Variants in TMEM74 observed in about 807,000 individuals in gnomAD.
The protein encoded by TMEM74 is transmembrane protein 74.
In TMEM74, 13 loss-of-function variants were observed where a neutral mutation model predicts 18.1. The ratio of observed to expected loss-of-function variants is 0.72; its 90% CI spans 0.47 to 1.14. The LOEUF (loss-of-function observed/expected upper bound fraction) is 1.14. TMEM74 is among the 50% of genes most tolerant of loss of function. The pLI is 0.00. For synonymous variants in TMEM74, 159 were observed against 146.6 expected (o/e 1.08, Z -0.61); for missense variants, 372 against 375.9 (o/e 0.99, Z 0.09).
intron 1 of TMEM74, among the ~76,000 whole-genome samples, chr8:108,680,119 C>T (rs1246020272): frequency 6.6e-6 from 1 of 152,162 alleles, no homozygotes; most frequent in African/African-American, 2.4e-5. Context: ...CCTTCTGAAA[C>T]TATTCCAATC....
chr8:108,699,187 C>CTTCCTTCCTTCCTTCCTT (rs1813312161), intron 1 of TMEM74, among the ~76,000 whole-genome samples: 1 of 68,792 alleles, frequency 1.5e-5, no homozygotes, highest in African/African-American at 6.7e-5. Flanking sequence ...CTTCCTTCCT[C>CTTCCTTCCTTCCTTCCTT]CCTCCCTCCC....
intron 2 of TMEM74, among the ~76,000 whole-genome samples, chr8:108,619,464 A>G (rs974939470): frequency 3.9e-5 from 6 of 152,168 alleles, no homozygotes; most frequent in African/African-American, 1.4e-4. Context: ...ATTTCCAGTC[A>G]CCAAAGAAGT....
chr8:108,745,584 C>T (rs985572174), intron 1 of TMEM74, among the ~76,000 whole-genome samples: 3 of 151,986 alleles, frequency 2.0e-5, no homozygotes, highest in Non-Finnish European at 2.9e-5. Flanking sequence ...ACTTAATAAA[C>T]GTACATATAT....
chr8:108,715,870 A>T (rs1332566572), intron 1 of TMEM74, among the ~76,000 whole-genome samples: 6 of 152,068 alleles, frequency 3.9e-5, no homozygotes, highest in Admixed American at 1.3e-4. Flanking sequence ...TGAGACAAGT[A>T]ACCCTGGTGA....
intron 1 of TMEM74, among the ~76,000 whole-genome samples, chr8:108,662,760 C>T (rs1403875526): frequency 6.6e-6 from 1 of 152,106 alleles, no homozygotes; most frequent in Non-Finnish European, 1.5e-5. Context: ...ATAAAAAGCT[C>T]TGGGGAATCT....
intron 2 of TMEM74, among the ~76,000 whole-genome samples, chr8:108,628,865 G>A (rs1247144125): frequency 2.0e-5 from 3 of 151,958 alleles, no homozygotes; most frequent in Non-Finnish European, 4.4e-5. Context: ...GTTTTGATTT[G>A]CATTTCTCTA....
chr8:108,759,518 G>A (rs1047510916), intron 1 of TMEM74, among the ~76,000 whole-genome samples: 10 of 152,048 alleles, frequency 6.6e-5, no homozygotes. Flanking sequence ...ATAATGATAT[G>A]TCCATAAAGT....
At chr8:108,730,719 G>A (rs1363592221) in intron 1 of TMEM74, among the ~76,000 whole-genome samples, 7 of 147,288 alleles carry the variant, frequency 4.8e-5, no homozygotes, top group Non-Finnish European at 8.9e-5. Context: ...TGCAAGCTCC[G>A]CCTCCCAGGT....
At chr8:108,717,854 A>T (rs1387964350) in intron 1 of TMEM74, among the ~76,000 whole-genome samples, 1 of 149,894 alleles carries the variant, frequency 6.7e-6, no homozygotes, top group African/African-American at 2.4e-5. Context: ...GTTGTATAAG[A>T]CCTTCAGGGG....
At chr8:108,773,094 A>G (rs1586293121) in intron 1 of TMEM74, among the ~76,000 whole-genome samples, 1 of 152,254 alleles carries the variant, frequency 6.6e-6, no homozygotes, top group East Asian at 1.9e-4. Context: ...GGCACTGAAA[A>G]GGAGAGGAAG....
At position 108,719,207 on chromosome 8, in the gene TMEM74, G is replaced by A. The variant is rs559268386; in HGVS notation, n.120-63770C>T. Among the ~76,000 whole-genome samples the A allele has an allele frequency of 1.5e-3, 225 of 152,020 alleles. 1 individual carries two copies. Among genetic ancestry groups the A allele is most frequent in the African/African-American group, 4.7e-3 (196 of 41,496 alleles). ...CTGGTGGAGATTAAATTGGGGAGACGCATAAACACACAAACATTTACAAAA... is the reference window on the plus strand; with the variant it reads ...CTGGTGGAGATTAAATTGGGGAGACACATAAACACACAAACATTTACAAAA... On this transcript the variant is annotated intron_variant and non_coding_transcript_variant, in intron 1 of 3. Coordinates refer to the TMEM74 transcript ENST00000518838.
intron 1 of TMEM74, among the ~76,000 whole-genome samples, chr8:108,759,242 A>T (rs1814012251): frequency 6.6e-6 from 1 of 152,050 alleles, no homozygotes; most frequent in African/African-American, 2.4e-5. Flanking sequence ...TATCTGTAAC[A>T]GTTGTGAGGG....
chr8:108,647,802 A>G (rs1812734941), intron 2 of TMEM74, among the ~76,000 whole-genome samples: 1 of 152,166 alleles, frequency 6.6e-6, no homozygotes, highest in Non-Finnish European at 1.5e-5. Flanking sequence ...AGGTGATTTC[A>G]ATATAGAGCG....
rs1226465788 is a variant in TMEM74, at chr8:108,713,673, TAGTC to T, written n.120-58240_120-58237del. On this transcript the variant is annotated intron_variant and non_coding_transcript_variant, in intron 1 of 3. Coordinates refer to the TMEM74 transcript ENST00000518838. ...ACATATACCATGTTAAAATTTGTATTAGTCAGGGTTCTCCAAAGAGACAGAGTCA... is the reference window on the plus strand; with the variant it reads ...ACATATACCATGTTAAAATTTGTATTAGGGTTCTCCAAAGAGACAGAGTCA... Among the ~76,000 whole-genome samples the T allele has an allele frequency of 5.3e-5, 8 of 152,328 alleles. No homozygotes were observed. The East Asian group carries it at 1.5e-3, about 29-fold the overall frequency.
At chr8:108,629,961 C>T (rs1217307413) in intron 2 of TMEM74, among the ~76,000 whole-genome samples, 1 of 152,078 alleles carries the variant, frequency 6.6e-6, no homozygotes, top group South Asian at 2.1e-4. Flanking sequence ...ATCTTGATTA[C>T]AGGATCAAAT....
At chr8:108,755,163 A>G (rs1813947341) in intron 1 of TMEM74, among the ~76,000 whole-genome samples, 1 of 152,090 alleles carries the variant, frequency 6.6e-6, no homozygotes, top group Non-Finnish European at 1.5e-5. Context: ...CTCCAGGAAC[A>G]CTGCAGTCAA....
intron 1 of TMEM74, among the ~76,000 whole-genome samples, chr8:108,762,530 C>A (rs1586288964): frequency 6.6e-6 from 1 of 152,134 alleles, no homozygotes; most frequent in Non-Finnish European, 1.5e-5. Flanking sequence ...TAGAACCTAC[C>A]TTGAATGTGT....
At chr8:108,726,737 C>T (rs1289498237) in intron 1 of TMEM74, among the ~76,000 whole-genome samples, 1 of 151,996 alleles carries the variant, frequency 6.6e-6, no homozygotes, top group African/African-American at 2.4e-5. Context: ...ACTGATATAT[C>T]AGTGCCAAAA....
chr8:108,685,202 T>C (rs532500944), intron 1 of TMEM74, among the ~76,000 whole-genome samples: 1 of 152,246 alleles, frequency 6.6e-6, no homozygotes, highest in African/African-American at 2.4e-5. Context: ...ATAGCTATTG[T>C]AAATGAGATT....
Sources: allele counts gnomAD v4.1 joint callset (sites outside exome capture counted in the v4.1 genomes callset), GRCh38; gene constraint gnomAD v4.1.1; transcripts MANE v1.5; gene names NCBI Gene and HGNC (gene_info 2026-07-23, HGNC 2026-07-21).